Variants in HECW1 observed in about 807,000 individuals in gnomAD.
HECW1 encodes the protein E3 ubiquitin-protein ligase HECW1.
A neutral mutation model predicts 182.3 loss-of-function variants in HECW1; 61 were observed. The observed-to-expected ratio is 0.33, with a 90% CI of 0.27 to 0.41. HECW1 has a LOEUF of 0.41. HECW1 is among the 10% of genes least tolerant of loss of function. The pLI is 1.00. For missense variants in HECW1, 1,739 were observed against 2,108.9 expected (o/e 0.82, Z 3.44); for synonymous variants, 859 against 832.6 (o/e 1.03, Z -0.55).
At chr7:43,490,794 G>T (rs1447267747) in intron 17 of HECW1, among the ~76,000 whole-genome samples, 2 of 152,122 alleles carry the variant, frequency 1.3e-5, no homozygotes, top group Non-Finnish European at 2.9e-5. Flanking sequence ...GTCTTGCTGT[G>T]TCGCCCAGGC....
intron 3 of HECW1, among the ~76,000 whole-genome samples, chr7:43,303,281 C>CT (rs1441781421): frequency 1.3e-5 from 2 of 152,082 alleles, no homozygotes; most frequent in Non-Finnish European, 2.9e-5. Context: ...GCTGGTTTCT[C>CT]TTACGTGTGA....
At chr7:43,188,880 T>C (rs1793647899) in intron 2 of HECW1, among the ~76,000 whole-genome samples, 1 of 152,140 alleles carries the variant, frequency 6.6e-6, no homozygotes, top group Admixed American at 6.6e-5. Flanking sequence ...TTAGAAACAA[T>C]TCATGAAAAG....
intron 5 of HECW1, among the ~76,000 whole-genome samples, chr7:43,332,518 CCTAA>C (rs1455660072): frequency 1.3e-5 from 2 of 152,198 alleles, no homozygotes; most frequent in African/African-American, 4.8e-5. Flanking sequence ...GGGACACTGA[CCTAA>C]CTAAGATTCT....
chr7:43,450,780 T>C (rs772692162), intron 11 of HECW1, 48 bp from the exon 12 acceptor site: 1 of 1,188,242 alleles, frequency 8.4e-7, no homozygotes, highest in Admixed American at 1.7e-5. Context: ...TTGATGATGT[T>C]GCCACGGCAG....
intron 2 of HECW1, among the ~76,000 whole-genome samples, chr7:43,200,065 T>C (rs1389203735): frequency 6.6e-6 from 1 of 152,188 alleles, no homozygotes; most frequent in Non-Finnish European, 1.5e-5. Flanking sequence ...GAAAATTACT[T>C]TTAAGGTCCT....
At chr7:43,447,994 G>A (rs1283774510) in intron 11 of HECW1, among the ~76,000 whole-genome samples, 3 of 152,024 alleles carry the variant, frequency 2.0e-5, no homozygotes, top group Non-Finnish European at 2.9e-5. Flanking sequence ...TATTAGCTGG[G>A]CACGGTGGCG....
At chr7:43,133,474 T>C (rs890725009) in intron 2 of HECW1, among the ~76,000 whole-genome samples, 4 of 152,002 alleles carry the variant, frequency 2.6e-5, no homozygotes, top group African/African-American at 9.6e-5. Context: ...TTTTTATTTC[T>C]AGTTGAGACA....
intron 3 of HECW1, among the ~76,000 whole-genome samples, chr7:43,292,803 C>A (rs974712868): frequency 6.6e-6 from 1 of 152,146 alleles, no homozygotes; most frequent in African/African-American, 2.4e-5. Flanking sequence ...TAGTACAAGG[C>A]AAAATCTGGA....
chr7:43,498,801 T>C (rs1451807181), intron 19 of HECW1, among the ~76,000 whole-genome samples: 1 of 152,120 alleles, frequency 6.6e-6, no homozygotes, highest in Non-Finnish European at 1.5e-5. Context: ...ATTCTGTCTA[T>C]CTTTGTAGAG....
chr7:43,221,488 C>T (rs1341842238), intron 2 of HECW1, among the ~76,000 whole-genome samples: 1 of 143,564 alleles, frequency 7.0e-6, no homozygotes, highest in Non-Finnish European at 1.5e-5. Flanking sequence ...AAGCCTTGTG[C>T]ACTAAGTGCT....
chr7:43,507,978 G>T, intron 22 of HECW1, 40 bp from the exon 23 acceptor site: 1 of 1,440,806 alleles, frequency 6.9e-7, no homozygotes, highest in South Asian at 1.2e-5. Flanking sequence ...CCAGCATCCT[G>T]ACTTCAGGGC....
At position 43,432,471 on chromosome 7, in the gene HECW1, A is replaced by T. The variant is rs967456646; in HGVS notation, c.802-5532A>T. ...TTATTTTTTAAGACTCAGTTAAAGCATTATGTTCTCTAGGAAATCGTCTCT... is the reference window on the plus strand; with the variant it reads ...TTATTTTTTAAGACTCAGTTAAAGCTTTATGTTCTCTAGGAAATCGTCTCT... On this transcript the variant is annotated intron_variant, in intron 8 of 29. Transcript: ENST00000395891. This position sits in a 1 kb window ranked among gnomAD's most constrained non-coding sequence, Gnocchi z 4.1. Among the ~76,000 whole-genome samples, 8 of 152,154 alleles carry T rather than the reference A, an allele frequency of 5.3e-5. No individual in the cohort carries two copies. The highest frequency in any genetic ancestry group is 7.3e-5 in the Non-Finnish European group (5 of 68,032).
At position 43,271,308 on chromosome 7, in the gene HECW1, A is replaced by C. The variant is rs76676023; in HGVS notation, c.27+27376A>C. Among the ~76,000 whole-genome samples the C allele has an allele frequency of 9.6e-3, 1,457 of 152,310 alleles. 30 individuals are homozygous for C. The highest frequency in any genetic ancestry group is 0.033 in the African/African-American group (1,374 of 41,568). ...ATTCCCTTTGAGAACTGGAACAAGA[A>C]AAGGATACAACTCTCACCTATTCAA... is the stretch of plus-strand genomic sequence containing the variant. On this transcript the variant is annotated intron_variant, in intron 3 of 29. Coordinates refer to ENST00000395891, the MANE Select transcript of HECW1 (RefSeq NM_015052.5).
chr7:43,197,413 C>CTGTGGAGA (rs1794564291), intron 2 of HECW1, among the ~76,000 whole-genome samples: 1 of 152,166 alleles, frequency 6.6e-6, no homozygotes, highest in African/African-American at 2.4e-5. Context: ...TTCCTGCTGC[C>CTGTGGAGA]TGTGGAGAGG....
chr7:43,437,660 C>T (rs905343026), intron 8 of HECW1, among the ~76,000 whole-genome samples: 38 of 152,296 alleles, frequency 2.5e-4, no homozygotes, highest in African/African-American at 8.2e-4. Flanking sequence ...ATTTAAAGTA[C>T]ATTTTCTTAA....
At chr7:43,519,486 G>C (rs2080339312) in intron 24 of HECW1, among the ~76,000 whole-genome samples, 1 of 152,092 alleles carries the variant, frequency 6.6e-6, no homozygotes, top group African/African-American at 2.4e-5. Flanking sequence ...CTTCATGATT[G>C]GCCCGTCTCG....
intron 6 of HECW1, among the ~76,000 whole-genome samples, chr7:43,363,557 C>T (rs965942533): frequency 3.3e-5 from 5 of 152,140 alleles, no homozygotes; most frequent in Admixed American, 2.6e-4. Context: ...TGTGAGAGCT[C>T]GATCGCATAG....
chr7:43,397,495 C>CT (rs1171181158), intron 7 of HECW1, among the ~76,000 whole-genome samples: 4 of 152,076 alleles, frequency 2.6e-5, no homozygotes, highest in African/African-American at 7.2e-5. Flanking sequence ...TGCAGGTGGG[C>CT]TGAGTACGAA....
At position 43,379,203 on chromosome 7, in the gene HECW1, C is replaced by T. The variant is rs529867285; in HGVS notation, c.556-17611C>T. On this transcript the variant is annotated intron_variant, in intron 6 of 29. Transcript: ENST00000395891. ...ACCACAGATCTCAAGCTCCCTTTAA[C>T]GCTCAATCCCAGAAGCACTGCACCT... 7.2e-5 allele frequency among the ~76,000 whole-genome samples: 11 copies of T among 152,314 alleles called. No homozygotes were observed. The East Asian group carries it at 9.7e-4, about 13-fold the overall frequency.
Sources: gnomAD v4.1 joint callset for allele counts (sites outside exome capture counted in the v4.1 genomes callset) on GRCh38, gnomAD v4.1.1 for gene constraint, Gnocchi (gnomAD v3.1) non-coding constraint, MANE v1.5 for transcripts, NCBI Gene and HGNC (gene_info 2026-07-23, HGNC 2026-07-21) for gene names.